Variants in MYRIP observed in about 807,000 individuals in gnomAD.
MYRIP encodes myosin VIIA and Rab interacting protein, also known as rab effector MyRIP.
Under a neutral mutation model 98.0 loss-of-function variants are expected in MYRIP, and 49 were observed. The ratio of observed to expected loss-of-function variants is 0.50; its 90% CI spans 0.40 to 0.63. MYRIP has a LOEUF of 0.63. MYRIP is among the 30% of genes least tolerant of loss of function. MYRIP has a pLI of 0.00. For synonymous variants in MYRIP, 404 were observed against 409.5 expected (o/e 0.99, Z 0.16); for missense variants, 1,004 against 1,058.2 (o/e 0.95, Z 0.71).
intron 3 of MYRIP, chr3:40,071,146 A>G: frequency 1.1e-5 from 11 of 985,482 alleles, no homozygotes; most frequent in Middle Eastern, 5.2e-4. Context: ...AGTAGGAGCC[A>G]TCTCCCTGAC....
intron 3 of MYRIP, among the ~76,000 whole-genome samples, chr3:40,141,068 T>C (rs1480933391): frequency 6.6e-6 from 1 of 152,154 alleles, no homozygotes; most frequent in Admixed American, 6.5e-5. Context: ...CCCACTACTC[T>C]TCCTTCCTAG....
intron 2 of MYRIP, among the ~76,000 whole-genome samples, chr3:40,042,707 A>G (rs771125312): frequency 1.3e-5 from 2 of 152,354 alleles, no homozygotes; most frequent in East Asian, 1.9e-4. Context: ...GTAAAATACT[A>G]TCAAGTATTA....
intron 3 of MYRIP, among the ~76,000 whole-genome samples, chr3:40,139,780 A>C (rs1949855922): frequency 6.6e-6 from 1 of 152,098 alleles, no homozygotes; most frequent in African/African-American, 2.4e-5. Context: ...AGGTTTTGTC[A>C]TGTTGCCCAA....
intron 10 of MYRIP, among the ~76,000 whole-genome samples, chr3:40,201,039 T>C (rs1206473783): frequency 6.6e-6 from 1 of 152,248 alleles, no homozygotes; most frequent in African/African-American, 2.4e-5. Flanking sequence ...TATTGTGTCT[T>C]AATTATGCCT....
chr3:40,139,347 A>G (rs1007008222), intron 3 of MYRIP, among the ~76,000 whole-genome samples: 3 of 152,176 alleles, frequency 2.0e-5, no homozygotes, highest in Non-Finnish European at 2.9e-5. Context: ...AACCACTACT[A>G]CAGTCAAGAT....
chr3:39,836,395 T>C (rs1941626839), intron 1 of MYRIP, among the ~76,000 whole-genome samples: 1 of 152,242 alleles, frequency 6.6e-6, no homozygotes, highest in African/African-American at 2.4e-5. Context: ...TGTCTTCTTT[T>C]GAGAAGTGTC....
At chr3:39,930,057 C>G (rs1477200181) in intron 2 of MYRIP, among the ~76,000 whole-genome samples, 1 of 151,976 alleles carries the variant, frequency 6.6e-6, no homozygotes, top group Non-Finnish European at 1.5e-5. Flanking sequence ...TGTTTCACCT[C>G]TCTTGGGTAT....
intron 2 of MYRIP, among the ~76,000 whole-genome samples, chr3:39,913,325 A>G (rs1575373284): frequency 6.6e-6 from 1 of 152,316 alleles, no homozygotes; most frequent in South Asian, 2.1e-4. Flanking sequence ...TGTTATAACC[A>G]TTAGCTCTAA....
chr3:40,121,226 A>C (rs1166204472), intron 3 of MYRIP, among the ~76,000 whole-genome samples: 1 of 152,118 alleles, frequency 6.6e-6, no homozygotes, highest in Admixed American at 6.5e-5. Context: ...AGAAGGGACC[A>C]AGGGTACCCT....
intron 2 of MYRIP, among the ~76,000 whole-genome samples, chr3:40,037,139 C>G (rs1947402146): frequency 6.6e-6 from 1 of 151,264 alleles, no homozygotes; most frequent in South Asian, 2.1e-4. Context: ...AAATGTATGT[C>G]TTGCTCTCAG....
At chr3:40,049,347 A>G (rs911759545) in intron 3 of MYRIP, among the ~76,000 whole-genome samples, 1 of 152,132 alleles carries the variant, frequency 6.6e-6, no homozygotes, top group African/African-American at 2.4e-5. Context: ...AATTCTCACA[A>G]TACTTCAGAC....
intron 11 of MYRIP, among the ~76,000 whole-genome samples, chr3:40,213,717 G>A (rs1174156907): frequency 1.3e-5 from 2 of 152,030 alleles, no homozygotes; most frequent in Admixed American, 6.6e-5. Flanking sequence ...TCTTAACCAT[G>A]GTAGTGCACA....
intron 2 of MYRIP, among the ~76,000 whole-genome samples, chr3:39,963,446 C>T (rs1369769304): frequency 1.3e-5 from 2 of 152,130 alleles, no homozygotes; most frequent in African/African-American, 4.8e-5. Context: ...TGCATTCATT[C>T]ACTTACTACT....
At chr3:39,850,945 A>G (rs1480655023) in intron 1 of MYRIP, among the ~76,000 whole-genome samples, 1 of 152,186 alleles carries the variant, frequency 6.6e-6, no homozygotes, top group Non-Finnish European at 1.5e-5. Context: ...TCCATATTAA[A>G]ATACCCGAAG....
intron 4 of MYRIP, among the ~76,000 whole-genome samples, chr3:40,158,415 A>G (rs1426325539): frequency 6.6e-6 from 1 of 152,084 alleles, no homozygotes; most frequent in East Asian, 1.9e-4. Context: ...TTTACTTCCA[A>G]GTATGTGGTC....
chr3:39,832,262 A>G (rs80153539), intron 1 of MYRIP, among the ~76,000 whole-genome samples: 4,933 of 152,348 alleles, frequency 0.032, 250 homozygotes, highest in African/African-American at 0.11. Context: ...ATTCTTCTCC[A>G]AATTTGTTAA....
At chr3:40,193,747 T>C (rs931421625) in intron 10 of MYRIP, among the ~76,000 whole-genome samples, 1 of 152,180 alleles carries the variant, frequency 6.6e-6, no homozygotes, top group African/African-American at 2.4e-5. Flanking sequence ...TTTTTGCCAA[T>C]TTTATGTGAA....
At chr3:40,166,789 A>C in intron 5 of MYRIP, 57 bp from the exon 6 acceptor site, 1 of 1,183,806 alleles carries the variant, frequency 8.4e-7, no homozygotes, top group Non-Finnish European at 1.3e-6. Context: ...GAGCTTGAAC[A>C]ATCGTTTTAC....
At chr3:39,972,081 C>T (rs891443864) in intron 2 of MYRIP, among the ~76,000 whole-genome samples, 4 of 152,052 alleles carry the variant, frequency 2.6e-5, no homozygotes, top group African/African-American at 7.2e-5. Flanking sequence ...ATCTGTATTT[C>T]CATGACTATT....
Sources: gnomAD v4.1 joint callset for allele counts (sites outside exome capture counted in the v4.1 genomes callset) on GRCh38, gnomAD v4.1.1 for gene constraint, MANE v1.5 for transcripts, NCBI Gene and HGNC (gene_info 2026-07-23, HGNC 2026-07-21) for gene names.